RIPPLY3: variants seen among roughly 807,000 people sequenced by gnomAD.
RIPPLY3 encodes the protein protein ripply3.
In RIPPLY3, 8 loss-of-function variants were observed where a neutral mutation model predicts 11.9. That is an observed-to-expected ratio of 0.67 (90% confidence interval 0.40 to 1.21). RIPPLY3 has a LOEUF of 1.21. RIPPLY3 is among the 50% of genes most tolerant of loss of function. RIPPLY3 has a pLI of 0.01. For missense variants in RIPPLY3, 271 were observed against 246.0 expected (o/e 1.10, Z -0.68); for synonymous variants, 102 against 99.0 (o/e 1.03, Z -0.18).
Position 37,014,306 on chromosome 21 carries a change from G to A in RIPPLY3, c.239+688G>A, listed in dbSNP as rs546070421. Among the ~76,000 whole-genome samples the A allele has an allele frequency of 3.4e-3, 517 of 151,896 alleles. 11 individuals carry two copies. The highest frequency in any genetic ancestry group is 8.0e-4 in the Non-Finnish European group (54 of 67,916). On this transcript the variant is annotated intron_variant, in intron 3 of 3. Coordinates refer to ENST00000329553, the MANE Select transcript of RIPPLY3 (RefSeq NM_018962.3). ...GTACTCCAGCCTGGGCGACAAGAGC[G>A]AAACTCTGTCTCCAAAAAAAAAAAT...
intron 2 of RIPPLY3, among the ~76,000 whole-genome samples, chr21:37,010,670 G>C (rs979654855): frequency 2.0e-5 from 3 of 152,074 alleles, no homozygotes; most frequent in Non-Finnish European, 2.9e-5. Context: ...GGCCACTTGC[G>C]GGCACTGTCA....
intron 2 of RIPPLY3, among the ~76,000 whole-genome samples, chr21:37,008,514 T>C (rs1207584259): frequency 4.6e-5 from 7 of 151,970 alleles, no homozygotes; most frequent in African/African-American, 1.7e-4. Context: ...TCTCAGCACT[T>C]TGGGAGGCCG....
At position 37,018,199 on chromosome 21, in the gene RIPPLY3, T is replaced by A; in HGVS notation, c.565T>A (p.Ser189Thr). ...VSSRGGKCSS[S>T]K is the part of the protein sequence containing the mutation. ...CTCAAGGGGTGGCAAGTGCTCCTCA[T>A]CCAAATGAATCAGTCTCTGTCTCCT... Residue 189 changes from serine (S) to threonine (T), a missense_variant, in exon 4 of 4, where the codon TCC (serine) becomes ACC (threonine). Ser to Thr is a moderately conservative substitution (Grantham distance 58). Transcript: ENST00000329553. 1.2e-6 allele frequency: 2 copies of A among 1,612,440 alleles called. No homozygotes were observed. The highest frequency in any genetic ancestry group is 1.7e-6 in the Non-Finnish European group (2 of 1,178,776).
rs1175959777 is a variant in RIPPLY3, at chr21:37,018,082, G to A, written c.448G>A (p.Gly150Arg). Residue 150 changes from glycine to arginine, a missense_variant, in exon 4 of 4, where the codon GGA (glycine) becomes AGA (arginine). Gly to Arg is a moderately radical substitution (Grantham distance 125). Coordinates refer to ENST00000329553, the MANE Select transcript of RIPPLY3 (RefSeq NM_018962.3). ...AGGTCGGCAGGAAAATGGCCCAGGG[G>A]GAAAGGGCAGAGACCAGGGCATCAA... ...VGGRQENGPGGKGRDQGINQG... is the reference protein window; with the variant it reads ...VGGRQENGPGRKGRDQGINQG... 1.2e-6 allele frequency: 2 copies of A among 1,613,990 alleles called. No homozygotes were observed. The highest frequency in any genetic ancestry group is 2.7e-5 in the African/African-American group (2 of 74,930).
In RIPPLY3 at chr21:37,013,537, G is replaced by T; in HGVS notation, c.172-14G>T. 6.2e-7 allele frequency: 1 copy of T among 1,612,472 alleles called. No homozygotes were observed. ...CTGCACTGTCTCTGTGTTTGTATGT[G>T]TCTGTCGTTACAGCTTGAACCTAGG... is the stretch of plus-strand genomic sequence containing the variant. On this transcript the variant is annotated splice_polypyrimidine_tract_variant and intron_variant, in intron 2 of 3. Coordinates refer to ENST00000329553, the MANE Select transcript of RIPPLY3 (RefSeq NM_018962.3).
rs2146781803 is a variant in RIPPLY3, at chr21:37,018,568, C to T, written c.*361C>T. The T allele has an allele frequency of 4.6e-6, 1 of 215,418 alleles. No homozygotes were observed. Among genetic ancestry groups the T allele is most frequent in the South Asian group, 1.4e-4 (1 of 7,108 alleles). 13.3% of individuals were successfully genotyped at this position (215,418 alleles called of 1,614,324 possible). On this transcript the variant is annotated 3_prime_UTR_variant, in exon 4 of 4. Coordinates refer to ENST00000329553, the MANE Select transcript of RIPPLY3 (RefSeq NM_018962.3). Reference sequence around the variant, plus strand: ...TCGCCCACTCCACCTCCTACTTAACCTGAGACTCATTATTTAGCTATTTCT... The same window carrying T: ...TCGCCCACTCCACCTCCTACTTAACTTGAGACTCATTATTTAGCTATTTCT...
chr21:37,018,295 C>A lies in RIPPLY3; in HGVS notation c.*88C>A. On this transcript the variant is annotated 3_prime_UTR_variant, in exon 4 of 4. Coordinates refer to ENST00000329553, the MANE Select transcript of RIPPLY3 (RefSeq NM_018962.3). ...CGAGCCAGGACACTACGCATCCCTG[C>A]TGAGTGTGCAGAGGCTAGAGGCTTC... The A allele has an allele frequency of 1.7e-6, 2 of 1,143,228 alleles. No homozygotes were observed. Among genetic ancestry groups the A allele is most frequent in the Middle Eastern group, 2.0e-4 (1 of 5,094 alleles). The allele number at this position is 1,143,228 out of a possible 1,614,324, so 70.8% of individuals were successfully genotyped here.
At position 37,018,271 on chromosome 21, in the gene RIPPLY3, G is replaced by A. The variant is rs564882097; in HGVS notation, c.*64G>A. 5.5e-5 allele frequency: 77 copies of A among 1,388,432 alleles called. No individual in the cohort carries two copies. The East Asian group carries it at 1.5e-3, about 26-fold the overall frequency. The allele number at this position is 1,388,432 out of a possible 1,614,324, so 86.0% of individuals were successfully genotyped here. ...CCCTCACGTTCTCTTGGGGACACCCGAGCCAGGACACTACGCATCCCTGCT... is the reference window on the plus strand; with the variant it reads ...CCCTCACGTTCTCTTGGGGACACCCAAGCCAGGACACTACGCATCCCTGCT... On this transcript the variant is annotated 3_prime_UTR_variant, in exon 4 of 4. Coordinates refer to ENST00000329553, the MANE Select transcript of RIPPLY3 (RefSeq NM_018962.3).
intron 1 of RIPPLY3, among the ~76,000 whole-genome samples, chr21:37,007,136 C>T (rs1271347865): frequency 2.6e-5 from 4 of 152,164 alleles, no homozygotes; most frequent in East Asian, 1.9e-4. Flanking sequence ...CCGACGCTTC[C>T]GTGTAGAGGA....
chr21:37,011,690 GGCGC>G (rs1167713930), intron 2 of RIPPLY3, among the ~76,000 whole-genome samples: 1 of 152,114 alleles, frequency 6.6e-6, no homozygotes, highest in Non-Finnish European at 1.5e-5. Flanking sequence ...GCTGGGGCCG[GGCGC>G]GATGTCTCAC....
At chr21:37,010,745 G>A (rs2069512988) in intron 2 of RIPPLY3, among the ~76,000 whole-genome samples, 1 of 152,144 alleles carries the variant, frequency 6.6e-6, no homozygotes, top group Non-Finnish European at 1.5e-5. Context: ...TATCTGCCAG[G>A]CTCCCACTTC....
In RIPPLY3 at chr21:37,006,769, C is replaced by T. The variant is rs1488295379; in HGVS notation, c.-4C>T. 2.3e-5 allele frequency: 28 copies of T among 1,230,108 alleles called. No homozygotes were observed. The highest frequency in any genetic ancestry group is 4.3e-5 in the Admixed American group (1 of 23,434). The allele number at this position is 1,230,108 out of a possible 1,614,324, so 76.2% of individuals were successfully genotyped here. A position where few individuals can be genotyped will look rare whatever the true frequency, so the allele number is the denominator to read the frequency against. ...CAGCAAGGGGCGCGGGCTCCGCCGGCACCATGGAGCCCGAAGCGGCGGCCG... is the reference window on the plus strand; with the variant it reads ...CAGCAAGGGGCGCGGGCTCCGCCGGTACCATGGAGCCCGAAGCGGCGGCCG... On this transcript the variant is annotated 5_prime_UTR_variant, in exon 1 of 4. Coordinates refer to ENST00000329553, the MANE Select transcript of RIPPLY3 (RefSeq NM_018962.3). The surrounding 1 kb of genome is among the most constrained non-coding windows in gnomAD (Gnocchi z 5.2).
At position 37,008,196 on chromosome 21, in the gene RIPPLY3, T is replaced by G; in HGVS notation, c.144T>G (p.Asp48Glu). 2 of 1,614,184 alleles carry G rather than the reference T, an allele frequency of 1.2e-6. No homozygotes were observed. The highest frequency in any genetic ancestry group is 1.7e-6 in the Non-Finnish European group (2 of 1,180,022). ...GACCTTGGATCCAGACACCTGGAGA[T>G]GCTGAGCTGACCAGAACTGGAAGGC... ...PWRPWIQTPG[D>E]AELTRTGRPL... The change falls in exon 2 of 4, where the codon GAT (aspartate) becomes GAG (glutamate). Residue 48 changes from aspartate (D) to glutamate (E), a missense_variant. Physicochemically the swap from Asp to Glu is conservative, Grantham distance 45 (BLOSUM62 2). Coordinates refer to ENST00000329553, the MANE Select transcript of RIPPLY3 (RefSeq NM_018962.3).
At chr21:37,013,733 A>G in intron 3 of RIPPLY3, 115 bp downstream of exon 3, 1 of 705,334 alleles carries the variant, frequency 1.4e-6, no homozygotes, top group Non-Finnish European at 2.3e-6. Context: ...AATTCAATGT[A>G]TTCTTTGGTA....
At position 37,019,298 on chromosome 21, in the gene RIPPLY3, T is replaced by TAACAGA. The variant is rs2069616732; in HGVS notation, c.*1094_*1099dup. ...AAAAAAAAAAAAAGAAAGAAAAGAG[T>TAACAGA]AACAGAAAGATAGGGATTTTTAGGA... On this transcript the variant is annotated 3_prime_UTR_variant, in exon 4 of 4. Transcript: ENST00000329553. The TAACAGA allele has an allele frequency of 7.2e-6, 1 of 138,750 alleles. No individual in the cohort carries two copies. The highest frequency in any genetic ancestry group is 2.7e-5 in the African/African-American group (1 of 36,948). 8.6% of individuals were successfully genotyped at this position (138,750 alleles called of 1,614,324 possible).
At chr21:37,010,096 C>G (rs1160882226) in intron 2 of RIPPLY3, among the ~76,000 whole-genome samples, 1 of 152,210 alleles carries the variant, frequency 6.6e-6, no homozygotes, top group Non-Finnish European at 1.5e-5. Flanking sequence ...CCCAAGCCCT[C>G]TTCTGTATTT....
At chr21:37,009,303 C>T (rs1030650219) in intron 2 of RIPPLY3, among the ~76,000 whole-genome samples, 4 of 151,426 alleles carry the variant, frequency 2.6e-5, no homozygotes, top group African/African-American at 7.3e-5. Flanking sequence ...ATTGAATTTA[C>T]GTAACACGTG....
intron 2 of RIPPLY3, among the ~76,000 whole-genome samples, 172 bp downstream of exon 2, chr21:37,008,395 G>C (rs971636929): frequency 6.6e-6 from 1 of 152,154 alleles, no homozygotes; most frequent in African/African-American, 2.4e-5. Context: ...GTGTTAATCA[G>C]ACCTGACTCG....
chr21:37,016,875 G>T (rs1320952556), intron 3 of RIPPLY3, among the ~76,000 whole-genome samples: 1 of 151,850 alleles, frequency 6.6e-6, no homozygotes, highest in African/African-American at 2.4e-5. Context: ...AGAGATTATG[G>T]CCGGGAGTGG....
Sources: gnomAD v4.1 joint callset for allele counts (sites outside exome capture counted in the v4.1 genomes callset) on GRCh38, gnomAD v4.1.1 for gene constraint, Gnocchi (gnomAD v3.1) non-coding constraint, MANE v1.5 for transcripts, NCBI Gene and HGNC (gene_info 2026-07-23, HGNC 2026-07-21) for gene names.